The following STYK1 variants were observed in gnomAD, a reference collection of about 807,000 sequenced individuals.
The protein encoded by STYK1 is tyrosine-protein kinase STYK1.
Under a neutral mutation model 48.1 loss-of-function variants are expected in STYK1, and 46 were observed. The observed-to-expected ratio is 0.96, with a 90% CI of 0.75 to 1.22. The LOEUF is 1.22. Ranked by LOEUF, STYK1 falls within the 50% of genes most tolerant of loss-of-function variation. The probability of loss-of-function intolerance (pLI) is 0.00; values close to 1 mark genes in which losing one functional copy is unlikely to be tolerated. For missense variants in STYK1, 527 were observed against 521.1 expected (o/e 1.01, Z -0.11); for synonymous variants, 188 against 189.0 (o/e 0.99, Z 0.04).
chr12:10,663,136 A>T (rs1366615370), intron 1 of STYK1, among the ~76,000 whole-genome samples: 1 of 152,066 alleles, frequency 6.6e-6, no homozygotes, highest in Non-Finnish European at 1.5e-5. Context: ...ATTACTAGAG[A>T]TAATGTCTCA....
intron 1 of STYK1, among the ~76,000 whole-genome samples, chr12:10,645,527 C>G (rs1232166596): frequency 6.6e-6 from 1 of 151,970 alleles, no homozygotes; most frequent in African/African-American, 2.4e-5. Flanking sequence ...TTTTACAAAG[C>G]CTAAACACAC....
At chr12:10,661,505 T>A (rs1313522826) in intron 1 of STYK1, among the ~76,000 whole-genome samples, 1 of 152,254 alleles carries the variant, frequency 6.6e-6, no homozygotes, top group Non-Finnish European at 1.5e-5. Flanking sequence ...CTGATATTTG[T>A]CTTTAACACA....
intron 10 of STYK1, 104 bp from the exon 11 acceptor site, chr12:10,620,452 A>G: frequency 9.5e-7 from 1 of 1,053,006 alleles, no homozygotes. Flanking sequence ...CAATTCTTTA[A>G]TTGTCTTCTG....
intron 1 of STYK1, among the ~76,000 whole-genome samples, chr12:10,666,627 C>T (rs950608987): frequency 2.0e-5 from 3 of 152,132 alleles, no homozygotes; most frequent in South Asian, 2.1e-4. Flanking sequence ...CCCCCCATGT[C>T]GAGGGAGGGA....
At chr12:10,654,202 C>A (rs1216945221) in intron 1 of STYK1, among the ~76,000 whole-genome samples, 1 of 152,174 alleles carries the variant, frequency 6.6e-6, no homozygotes, top group Non-Finnish European at 1.5e-5. Flanking sequence ...AAGGGTGGAA[C>A]CTTCACTTCC....
At chr12:10,652,380 A>G (rs1400324467) in intron 1 of STYK1, among the ~76,000 whole-genome samples, 1 of 152,222 alleles carries the variant, frequency 6.6e-6, no homozygotes, top group African/African-American at 2.4e-5. Context: ...ATAACGGGTC[A>G]TAGAATTGCG....
At chr12:10,630,193 C>G (rs940261180) in intron 5 of STYK1, among the ~76,000 whole-genome samples, 1 of 150,952 alleles carries the variant, frequency 6.6e-6, no homozygotes, top group African/African-American at 2.4e-5. Flanking sequence ...CGAGACTGGC[C>G]TGGCCAATAT....
At chr12:10,629,331 T>G in intron 6 of STYK1, 162 bp downstream of exon 6, 2 of 720,110 alleles carry the variant, frequency 2.8e-6, no homozygotes, top group Middle Eastern at 8.1e-4. Context: ...TATAGAATAT[T>G]TCTATAATTA....
chr12:10,658,688 A>G (rs1000546291), intron 1 of STYK1, among the ~76,000 whole-genome samples: 4 of 152,186 alleles, frequency 2.6e-5, no homozygotes, highest in African/African-American at 9.7e-5. Flanking sequence ...TGGTATAAAA[A>G]TCTGTAGAAA....
At chr12:10,658,546 A>G (rs6416268) in intron 1 of STYK1, among the ~76,000 whole-genome samples, 83,357 of 151,902 alleles carry the variant, frequency 0.55, 23,579 homozygotes, top group East Asian at 0.79. Context: ...TGTTTCTAAT[A>G]ATCAAGTGGT....
intron 8 of STYK1, among the ~76,000 whole-genome samples, chr12:10,622,978 C>G (rs553398635): frequency 2.3e-4 from 34 of 148,952 alleles, no homozygotes; most frequent in Non-Finnish European, 4.6e-4. Flanking sequence ...ACACATTTAC[C>G]TCAATCACAA....
chr12:10,634,126 T>G lies in STYK1; in HGVS notation c.53-2A>C. The stretch of plus-strand genomic sequence containing the variant: ...CTTCATACTGCTTCTCCTGGATGAC[T>G]GGGTAGGCGATCACACAGGAAGAGA... On this transcript the variant is annotated splice_acceptor_variant, in intron 3 of 10. Coordinates refer to ENST00000075503, the MANE Select transcript of STYK1 (RefSeq NM_018423.3). LOFTEE classifies it high-confidence loss of function. The G allele has an allele frequency of 6.2e-7, 1 of 1,603,086 alleles. No individual in the cohort carries two copies. Among genetic ancestry groups the G allele is most frequent in the Non-Finnish European group, 8.5e-7 (1 of 1,177,160 alleles).
chr12:10,637,947 C>T (rs1031183866), intron 1 of STYK1, among the ~76,000 whole-genome samples: 2 of 152,186 alleles, frequency 1.3e-5, no homozygotes, highest in Non-Finnish European at 2.9e-5. Flanking sequence ...CACTTCTGGC[C>T]AAGATTCCTG....
chr12:10,627,615 T>C (rs1265721353), intron 7 of STYK1, 26 bp downstream of exon 7: 7 of 1,590,212 alleles, frequency 4.4e-6, no homozygotes, highest in East Asian at 2.2e-5. Flanking sequence ...CGTCACACCA[T>C]CAGTTGTCAT....
intron 5 of STYK1, among the ~76,000 whole-genome samples, chr12:10,630,704 T>C (rs1947416850): frequency 6.6e-6 from 1 of 151,930 alleles, no homozygotes; most frequent in South Asian, 2.1e-4. Flanking sequence ...TATCCTTTCA[T>C]GATAAAAACA....
In STYK1 at chr12:10,622,626, G is replaced by T; in HGVS notation, c.967+12C>A. On this transcript the variant is annotated intron_variant, in intron 9 of 10. Transcript: ENST00000075503. ...GCATACAGGTACACACTATTTTGGG[G>T]CTCATCCTTACCTAGAGTCACCATC... The T allele has an allele frequency of 6.2e-7, 1 of 1,613,828 alleles. No homozygotes were observed. Among genetic ancestry groups the T allele is most frequent in the Non-Finnish European group, 8.5e-7 (1 of 1,179,838 alleles).
intron 4 of STYK1, among the ~76,000 whole-genome samples, chr12:10,633,422 G>C (rs2120654688): frequency 6.6e-6 from 1 of 152,294 alleles, no homozygotes; most frequent in South Asian, 2.1e-4. Flanking sequence ...CCACTATAGA[G>C]TTTCATATCA....
intron 1 of STYK1, among the ~76,000 whole-genome samples, chr12:10,668,002 C>T (rs942360173): frequency 6.6e-5 from 10 of 152,184 alleles, no homozygotes; most frequent in African/African-American, 2.4e-4. Flanking sequence ...AAACCCCTTA[C>T]TCCATCCCCA....
chr12:10,639,128 G>GA (rs951448817), intron 1 of STYK1, among the ~76,000 whole-genome samples: 5 of 150,938 alleles, frequency 3.3e-5, no homozygotes, highest in Middle Eastern at 3.4e-3. Context: ...GAGCTATCTG[G>GA]AAAAAAAACA....
Sources: allele counts gnomAD v4.1 joint callset (sites outside exome capture counted in the v4.1 genomes callset), GRCh38; gene constraint gnomAD v4.1.1; transcripts MANE v1.5; gene names NCBI Gene and HGNC (gene_info 2026-07-23, HGNC 2026-07-21).